Variants in MTHFD1L observed in about 807,000 individuals in gnomAD.
MTHFD1L encodes monofunctional C1-tetrahydrofolate synthase, mitochondrial.
In MTHFD1L, 81 loss-of-function variants were observed where a neutral mutation model predicts 119.5. The observed-to-expected ratio is 0.68, with a 90% CI of 0.57 to 0.82. MTHFD1L has a LOEUF of 0.82. Among genes scored for constraint, MTHFD1L ranks in the 40% least tolerant of loss-of-function variants. The probability of loss-of-function intolerance (pLI) is 0.00; values close to 1 mark genes in which losing one functional copy is unlikely to be tolerated. For missense variants in MTHFD1L, 1,125 were observed against 1,253.4 expected (o/e 0.90, Z 1.55); for synonymous variants, 430 against 475.2 (o/e 0.90, Z 1.24).
At position 151,009,917 on chromosome 6, in the gene MTHFD1L, G is replaced by A. The variant is rs1781984862; in HGVS notation, c.2224G>A (p.Ala742Thr). The A allele has an allele frequency of 6.2e-7, 1 of 1,613,448 alleles. No individual in the cohort carries two copies. The highest frequency in any genetic ancestry group is 1.3e-5 in the African/African-American group (1 of 74,878). The change falls in exon 21 of 28, where the codon GCA becomes ACA. Residue 742 changes from alanine (A) to threonine (T), a missense_variant. Ala to Thr is a moderately conservative substitution (Grantham distance 58, BLOSUM62 0). Coordinates refer to ENST00000367321, the MANE Select transcript of MTHFD1L (RefSeq NM_015440.5). ...GLVPNVVVLVATVRALKMHGG... is the reference protein window; with the variant it reads ...GLVPNVVVLVTTVRALKMHGG... ...GGTGCCCAACGTGGTTGTGTTAGTG[G>A]CAACGGTGCGAGCTCTGAAGATGCA...
At chr6:151,083,591 T>A (rs183657580) in intron 26 of MTHFD1L, among the ~76,000 whole-genome samples, 236 of 152,356 alleles carry the variant, frequency 1.5e-3, no homozygotes, top group African/African-American at 5.5e-3. Flanking sequence ...AACCAGCTAC[T>A]TGATCAATAG....
chr6:150,997,687 A>G (rs1779986139), intron 20 of MTHFD1L, among the ~76,000 whole-genome samples: 1 of 152,112 alleles, frequency 6.6e-6, no homozygotes, highest in African/African-American at 2.4e-5. Context: ...GCTGCTCAGG[A>G]GGCTGAGGTG....
At chr6:150,927,688 C>G (rs1417546848) in intron 11 of MTHFD1L, among the ~76,000 whole-genome samples, 1 of 152,036 alleles carries the variant, frequency 6.6e-6, no homozygotes, top group African/African-American at 2.4e-5. Flanking sequence ...AACTCCTGAC[C>G]TCAAGTGATC....
At chr6:151,052,697 A>G (rs1031614974) in intron 26 of MTHFD1L, among the ~76,000 whole-genome samples, 1 of 152,224 alleles carries the variant, frequency 6.6e-6, no homozygotes, top group African/African-American at 2.4e-5. Flanking sequence ...AGACCATTGC[A>G]TAGCTCCAGC....
At chr6:151,012,878 G>C (rs891321873) in intron 21 of MTHFD1L, among the ~76,000 whole-genome samples, 1 of 152,142 alleles carries the variant, frequency 6.6e-6, no homozygotes, top group African/African-American at 2.4e-5. Context: ...GAATTCTCCT[G>C]CTCTCAGGGG....
intron 27 of MTHFD1L, among the ~76,000 whole-genome samples, chr6:151,096,216 T>C (rs1794885286): frequency 6.6e-6 from 1 of 152,212 alleles, no homozygotes; most frequent in South Asian, 2.1e-4. Context: ...AAAGCTATGA[T>C]TTTGTCATAA....
At chr6:150,965,697 C>T (rs1055719270) in intron 19 of MTHFD1L, among the ~76,000 whole-genome samples, 7 of 149,300 alleles carry the variant, frequency 4.7e-5, no homozygotes, top group Non-Finnish European at 1.0e-4. Context: ...TCTAACATTT[C>T]AATAGGTTGT....
chr6:150,990,105 C>T (rs912056222), intron 20 of MTHFD1L, among the ~76,000 whole-genome samples: 7 of 151,966 alleles, frequency 4.6e-5, no homozygotes, highest in Admixed American at 3.3e-4. Flanking sequence ...ATGGTGAAAC[C>T]CTGTCTCTAC....
At chr6:150,888,927 C>A (rs1782756707) in intron 7 of MTHFD1L, among the ~76,000 whole-genome samples, 2 of 152,316 alleles carry the variant, frequency 1.3e-5, no homozygotes, top group Admixed American at 6.5e-5. Flanking sequence ...GTAATCCCAG[C>A]ACTCTGGGAG....
intron 24 of MTHFD1L, among the ~76,000 whole-genome samples, chr6:151,027,268 C>G (rs1784728731): frequency 1.3e-5 from 2 of 152,148 alleles, no homozygotes; most frequent in Admixed American, 6.5e-5. Context: ...ACTGCACACT[C>G]TCTTCTGTCA....
chr6:150,984,320 G>A (rs2128426982), intron 20 of MTHFD1L, among the ~76,000 whole-genome samples: 1 of 152,170 alleles, frequency 6.6e-6, no homozygotes, highest in South Asian at 2.1e-4. Flanking sequence ...TTATGACCTG[G>A]CTCAGCAGAA....
chr6:151,082,538 C>A (rs1403869492), intron 26 of MTHFD1L, among the ~76,000 whole-genome samples: 1 of 151,914 alleles, frequency 6.6e-6, no homozygotes, highest in Non-Finnish European at 1.5e-5. Context: ...CTAATGAAAC[C>A]TTTTTTCCCA....
intron 26 of MTHFD1L, among the ~76,000 whole-genome samples, chr6:151,083,474 G>T (rs61238823): frequency 6.6e-6 from 1 of 152,174 alleles, no homozygotes; most frequent in Non-Finnish European, 1.5e-5. Context: ...GGGATTACAG[G>T]CGTGAGCCAC....
chr6:151,070,605 G>T (rs1025373158), intron 26 of MTHFD1L, among the ~76,000 whole-genome samples: 1 of 152,082 alleles, frequency 6.6e-6, no homozygotes, highest in Non-Finnish European at 1.5e-5. Flanking sequence ...AGACCACATG[G>T]TCTCTGTCCT....
intron 21 of MTHFD1L, among the ~76,000 whole-genome samples, chr6:151,013,360 A>G (rs1782567313): frequency 6.6e-6 from 1 of 152,242 alleles, no homozygotes. Context: ...AGCCTGGACA[A>G]CAGAACTTTA....
chr6:150,865,795 G>A lies in MTHFD1L; in HGVS notation c.-28G>A, dbSNP rs1319212019. The A allele has an allele frequency of 6.2e-6, 8 of 1,293,088 alleles. No individual in the cohort carries two copies. The highest frequency in any genetic ancestry group is 7.9e-6 in the Non-Finnish European group (8 of 1,013,892). The allele number at this position is 1,293,088 out of a possible 1,614,324, so 80.1% of individuals were successfully genotyped here. A position where few individuals can be genotyped will look rare whatever the true frequency, so the allele number is the denominator to read the frequency against. Reference sequence around the variant, plus strand: ...CCGCCCTCGGCAGCCGCAGCTCCGTGTCCCCTGAGAACCAGCCGTCCCGCG... The same window carrying A: ...CCGCCCTCGGCAGCCGCAGCTCCGTATCCCCTGAGAACCAGCCGTCCCGCG... On this transcript the variant is annotated 5_prime_UTR_variant, in exon 1 of 28. Coordinates refer to ENST00000367321, the MANE Select transcript of MTHFD1L (RefSeq NM_015440.5).
intron 27 of MTHFD1L, among the ~76,000 whole-genome samples, chr6:151,094,779 G>A (rs1204298693): frequency 3.3e-4 from 49 of 150,128 alleles, no homozygotes; most frequent in Non-Finnish European, 7.4e-5. Context: ...CCTGACCTCA[G>A]GTGATCCACC....
At chr6:150,888,178 A>G (rs1459222155) in intron 7 of MTHFD1L, among the ~76,000 whole-genome samples, 197 bp downstream of exon 7, 1 of 152,248 alleles carries the variant, frequency 6.6e-6, no homozygotes, top group Non-Finnish European at 1.5e-5. Flanking sequence ...TTTACAAATG[A>G]GCTCTATCAA....
intron 20 of MTHFD1L, among the ~76,000 whole-genome samples, chr6:150,997,028 AG>A (rs1779890077): frequency 6.6e-6 from 1 of 152,092 alleles, no homozygotes; most frequent in Non-Finnish European, 1.5e-5. Flanking sequence ...ATGGGTCCAA[AG>A]GGGCCCTTAA....
Sources: allele counts gnomAD v4.1 joint callset (sites outside exome capture counted in the v4.1 genomes callset), GRCh38; gene constraint gnomAD v4.1.1; transcripts MANE v1.5; gene names NCBI Gene and HGNC (gene_info 2026-07-23, HGNC 2026-07-21).